Variants in NBPF11 observed in about 807,000 individuals in gnomAD.
NBPF11 encodes NBPF member 11.
Under a neutral mutation model 93.9 loss-of-function variants are expected in NBPF11, and 72 were observed. The observed-to-expected ratio is 0.77, with a 90% confidence interval of 0.63 to 0.93. The LOEUF is 0.93. NBPF11 is among the 40% of genes least tolerant of loss of function. The pLI is 0.00. For missense variants in NBPF11, 705 were observed against 802.2 expected (o/e 0.88, Z 1.46); for synonymous variants, 224 against 304.9 (o/e 0.73, Z 2.76).
At chr1:148,142,522 C>T (rs2149294562) in intron 2 of NBPF11, among the ~76,000 whole-genome samples, 1 of 151,850 alleles carries the variant, frequency 6.6e-6, no homozygotes, top group East Asian at 1.9e-4. Flanking sequence ...GCCTCAGCCC[C>T]TGGGTCTGAC....
chr1:148,147,380 G>A (rs1398917848), intron 1 of NBPF11, among the ~76,000 whole-genome samples: 11 of 152,026 alleles, frequency 7.2e-5, no homozygotes, highest in African/African-American at 2.7e-4. Context: ...GGCCATCCTG[G>A]GGCAGGGCCT....
At chr1:148,149,417 C>A in intron 1 of NBPF11, 3 of 1,580,422 alleles carry the variant, frequency 1.9e-6, no homozygotes, top group East Asian at 2.3e-5. Flanking sequence ...CGACTTCTCG[C>A]ACGGGCTGGC....
chr1:148,108,315 G>C (rs61811999), intron 18 of NBPF11, among the ~76,000 whole-genome samples, 167 bp downstream of exon 18: 5 of 144,448 alleles, frequency 3.5e-5, no homozygotes, highest in Admixed American at 2.8e-4. Flanking sequence ...CCCATCCCTT[G>C]TCTGGGCTTC....
intron 1 of NBPF11, chr1:148,146,644 G>C: frequency 6.2e-7 from 1 of 1,611,582 alleles, no homozygotes; most frequent in South Asian, 1.1e-5. Context: ...GCGCGAGCTG[G>C]ACACCATCGA....
chr1:148,149,543 G>A (rs1271379424), intron 1 of NBPF11: 1 of 1,594,024 alleles, frequency 6.3e-7, no homozygotes, highest in African/African-American at 1.3e-5. Context: ...CATCTCCCAG[G>A]AGCTGCCCAG....
At chr1:148,119,871 G>T (rs1290581975) in intron 10 of NBPF11, among the ~76,000 whole-genome samples, 1 of 152,020 alleles carries the variant, frequency 6.6e-6, no homozygotes, top group Non-Finnish European at 1.5e-5. Context: ...GCCCAGGCTG[G>T]TCTCAAACTC....
At chr1:148,108,933 G>C (rs1337863912) in intron 17 of NBPF11, among the ~76,000 whole-genome samples, 2 of 150,538 alleles carry the variant, frequency 1.3e-5, no homozygotes, top group African/African-American at 2.5e-5. Flanking sequence ...ACTGATGAGG[G>C]AGTCAAAGGA....
chr1:148,149,293 C>T (rs1647626486), intron 1 of NBPF11: 2 of 1,596,862 alleles, frequency 1.3e-6, no homozygotes, highest in Non-Finnish European at 1.7e-6. Context: ...GCATGCGCGT[C>T]GCCTTCCGCG....
At chr1:148,115,164 C>CAAAAAA (rs57869119) in intron 14 of NBPF11, among the ~76,000 whole-genome samples, 15 of 12,162 alleles carry the variant, frequency 1.2e-3, no homozygotes, top group East Asian at 3.1e-3. Flanking sequence ...GACTCCATCA[C>CAAAAAA]AAAAAAAAAA....
chr1:148,108,009 G>A (rs1484875525), intron 18 of NBPF11, among the ~76,000 whole-genome samples: 4,957 of 149,816 alleles, frequency 0.033, 30 homozygotes, highest in African/African-American at 0.12. Flanking sequence ...TCCCAAGTTT[G>A]TGCAAATGGT....
At chr1:148,146,268 G>A (rs1254410786) in intron 1 of NBPF11, 3 of 1,245,836 alleles carry the variant, frequency 2.4e-6, no homozygotes, top group Non-Finnish European at 3.1e-6. Context: ...TGTCTGGGGC[G>A]GTAGCTGGGG....
At chr1:148,136,073 G>A (rs1475971773) in intron 3 of NBPF11, among the ~76,000 whole-genome samples, 1 of 151,908 alleles carries the variant, frequency 6.6e-6, no homozygotes, top group Non-Finnish European at 1.5e-5. Flanking sequence ...TGTATATAGA[G>A]AGGCCTCTTT....
chr1:148,113,347 C>G (rs1329912613), intron 15 of NBPF11, among the ~76,000 whole-genome samples: 4 of 151,812 alleles, frequency 2.6e-5, no homozygotes, highest in Admixed American at 2.0e-4. Flanking sequence ...AGACTTTAAA[C>G]CAACAAAGAT....
chr1:148,111,051 CT>C (rs1244442889), intron 15 of NBPF11, among the ~76,000 whole-genome samples: 1 of 151,708 alleles, frequency 6.6e-6, no homozygotes, highest in East Asian at 1.9e-4. Context: ...ATATATACAT[CT>C]CTCCCTGGAT....
rs1227246835 is a variant in NBPF11, at chr1:148,122,778, C to A, written c.517G>T (p.Asp173Tyr). The A allele has an allele frequency of 2.7e-5, 44 of 1,610,048 alleles. No individual in the cohort carries two copies. In the Admixed American group the frequency reaches 7.0e-4, roughly 26 times the overall value. Residue 173 changes from aspartate (D) to tyrosine (Y), a missense_variant, in exon 8 of 24, where the codon GAT becomes TAT. Asp to Tyr is a radical substitution (Grantham distance 160, BLOSUM62 -3). Transcript: ENST00000682118. Reference sequence around the variant, plus strand: ...TTCTCATCCTCCTCAACTTGAACATCTTCATCCTCATCTTCGTCATTTTCT... The same window carrying A: ...TTCTCATCCTCCTCAACTTGAACATATTCATCCTCATCTTCGTCATTTTCT... ...SPENDEDEDE[D>Y]VQVEEDEKVL...
At chr1:148,105,581 G>A (rs1663357238) in intron 21 of NBPF11, 53 bp from the exon 22 acceptor site, 1 of 718,466 alleles carries the variant, frequency 1.4e-6, no homozygotes, top group South Asian at 1.4e-5. Flanking sequence ...ACACACAACA[G>A]AGCCCCAACT....
At chr1:148,116,698 G>T (rs1311831709) in intron 12 of NBPF11, among the ~76,000 whole-genome samples, 163 bp from the exon 13 acceptor site, 1 of 151,042 alleles carries the variant, frequency 6.6e-6, no homozygotes, top group Admixed American at 6.6e-5. Context: ...TGGTTTCCTG[G>T]TCCATCAGGC....
At position 148,103,536 on chromosome 1, in the gene NBPF11, A is replaced by AT; in HGVS notation, c.*359dup. The AT allele has an allele frequency of 6.6e-7, 1 of 1,510,412 alleles. No individual in the cohort carries two copies. Among genetic ancestry groups the AT allele is most frequent in the African/African-American group, 1.4e-5 (1 of 71,962 alleles). The allele number at this position is 1,510,412 out of a possible 1,614,324, so 93.6% of individuals were successfully genotyped here. A position where few individuals can be genotyped will look rare whatever the true frequency, so the allele number is the denominator to read the frequency against. ...AGGTTGCCACTGGCATGCTCTGAGA[A>AT]TAGGAATAGAGCCATGCCCACTGAC... On this transcript the variant is annotated 3_prime_UTR_variant, in exon 24 of 24. Coordinates refer to ENST00000682118, the MANE Select transcript of NBPF11 (RefSeq NM_001385469.3).
chr1:148,136,478 A>G (rs1396121790), intron 3 of NBPF11, among the ~76,000 whole-genome samples: 1 of 150,846 alleles, frequency 6.6e-6, no homozygotes, highest in Non-Finnish European at 1.5e-5. Context: ...AATCTCAAAA[A>G]CATTTTGAGT....
Sources: allele counts gnomAD v4.1 joint callset (sites outside exome capture counted in the v4.1 genomes callset), GRCh38; gene constraint gnomAD v4.1.1; transcripts MANE v1.5; gene names NCBI Gene and HGNC (gene_info 2026-07-23, HGNC 2026-07-21).